Variants in TBC1D32 observed in about 807,000 individuals in gnomAD.
TBC1D32 encodes the protein protein broad-minded.
TBC1D32 carries 151 observed loss-of-function variants against 170.3 expected under a neutral mutation model. The observed-to-expected ratio is 0.89, with a 90% CI of 0.78 to 1.01. The LOEUF (loss-of-function observed/expected upper bound fraction) is 1.01, where lower values mean the gene tolerates loss of function less well. Among genes scored for constraint, TBC1D32 ranks in the 50% least tolerant of loss-of-function variants. The pLI is 0.00. For missense variants in TBC1D32, 1,464 were observed against 1,457.1 expected (o/e 1.00, Z -0.08); for synonymous variants, 498 against 488.0 (o/e 1.02, Z -0.27).
intron 15 of TBC1D32, among the ~76,000 whole-genome samples, chr6:121,271,388 T>A (rs752447964): frequency 6.6e-6 from 1 of 152,194 alleles, no homozygotes; most frequent in African/African-American, 2.4e-5. Flanking sequence ...CAAAATCTCC[T>A]TAAGCTGATA....
chr6:121,188,211 C>G (rs1481132588), intron 22 of TBC1D32, among the ~76,000 whole-genome samples: 1 of 152,044 alleles, frequency 6.6e-6, no homozygotes, highest in Non-Finnish European at 1.5e-5. Context: ...AATACAAATA[C>G]CTGAGACATA....
At chr6:121,291,524 A>G (rs1804870635) in intron 12 of TBC1D32, among the ~76,000 whole-genome samples, 2 of 152,160 alleles carry the variant, frequency 1.3e-5, no homozygotes, top group African/African-American at 4.8e-5. Context: ...GTTTAAGTAT[A>G]TACTAACAGC....
At chr6:121,139,805 G>C (rs1177526335) in intron 24 of TBC1D32, 1 of 152,080 alleles carries the variant, frequency 6.6e-6, no homozygotes, top group Non-Finnish European at 1.5e-5. Flanking sequence ...CAGAGACACA[G>C]AATATGGTAT....
chr6:121,156,866 G>A (rs1784958282), intron 24 of TBC1D32, among the ~76,000 whole-genome samples: 1 of 152,102 alleles, frequency 6.6e-6, no homozygotes, highest in Non-Finnish European at 1.5e-5. Flanking sequence ...ATGGCACTGT[G>A]GTCTGAGAGT....
intron 27 of TBC1D32, among the ~76,000 whole-genome samples, chr6:121,113,462 T>C (rs1779397017): frequency 6.6e-6 from 1 of 152,196 alleles, no homozygotes. Context: ...AAACATGGAA[T>C]GTTGACAGGT....
At chr6:121,179,004 A>T (rs11154002) in intron 22 of TBC1D32, among the ~76,000 whole-genome samples, 59,618 of 152,046 alleles carry the variant, frequency 0.39, 14,930 homozygotes, top group Non-Finnish European at 0.57. Context: ...GTCCAGACAA[A>T]AACTGAGATA....
rs1802369403 is a variant in TBC1D32 at position 121,277,466 on chromosome 6, CGACAGAG to C, written c.1733+1648_1733+1654del. Among the ~76,000 whole-genome samples the C allele has an allele frequency of 2.6e-5, 3 of 114,616 alleles. No homozygotes were observed. The Admixed American group carries it at 3.9e-4, about 15-fold the overall frequency. The allele number at this position is 114,616 out of a possible 152,430, so 75.2% of individuals were successfully genotyped here. A position where few individuals can be genotyped will look rare whatever the true frequency, so the allele number is the denominator to read the frequency against. ...TTGTGCTATTGTACTCCAGCCTGGG[CGACAGAG>C]AAAGACTCCATCTCAAAAAAAAAAA... On this transcript the variant is annotated intron_variant, in intron 15 of 31. Coordinates refer to ENST00000398212, the MANE Select transcript of TBC1D32 (RefSeq NM_152730.6).
At chr6:121,305,477 A>G (rs1807192742) in intron 5 of TBC1D32, among the ~76,000 whole-genome samples, 1 of 151,954 alleles carries the variant, frequency 6.6e-6, no homozygotes. Flanking sequence ...ATTAATCCTA[A>G]TAGTGAAATT....
chr6:121,218,773 T>TG (rs1794137719), intron 21 of TBC1D32, among the ~76,000 whole-genome samples: 2 of 152,162 alleles, frequency 1.3e-5, no homozygotes, highest in South Asian at 4.1e-4. Flanking sequence ...AATTGAATCA[T>TG]GGGGGCAGTT....
intron 22 of TBC1D32, among the ~76,000 whole-genome samples, chr6:121,192,718 G>C (rs1358714457): frequency 6.6e-6 from 1 of 152,208 alleles, no homozygotes; most frequent in African/African-American, 2.4e-5. Context: ...GTAGGACCAT[G>C]ATGAAGCTGA....
chr6:121,087,208 G>A (rs1348551674), intron 31 of TBC1D32, among the ~76,000 whole-genome samples: 6 of 152,270 alleles, frequency 3.9e-5, no homozygotes, highest in Middle Eastern at 3.4e-3. Flanking sequence ...TACCCAAGGC[G>A]TTCATCTAAT....
intron 24 of TBC1D32, among the ~76,000 whole-genome samples, chr6:121,149,267 T>A (rs1783891586): frequency 6.6e-6 from 1 of 152,200 alleles, no homozygotes; most frequent in South Asian, 2.1e-4. Flanking sequence ...TTTAATTAGA[T>A]CCCATTTGTC....
chr6:121,118,050 AAC>A (rs558559710), intron 26 of TBC1D32, among the ~76,000 whole-genome samples: 1 of 152,166 alleles, frequency 6.6e-6, no homozygotes, highest in Non-Finnish European at 1.5e-5. Context: ...ATCTAGGAAA[AAC>A]AGTGTGTAGG....
intron 17 of TBC1D32, among the ~76,000 whole-genome samples, chr6:121,251,869 C>T (rs975207038): frequency 1.3e-5 from 2 of 152,048 alleles, no homozygotes; most frequent in Non-Finnish European, 2.9e-5. Flanking sequence ...GAAAAAACAA[C>T]CCCATCAAAA....
chr6:121,170,435 T>A, intron 22 of TBC1D32: 1 of 1,605,982 alleles, frequency 6.2e-7, no homozygotes, highest in Non-Finnish European at 8.5e-7. Context: ...CAAGATATTT[T>A]CTTCTTGAGC....
In TBC1D32 at chr6:121,244,227, AT is replaced by A. The variant is rs148462871; in HGVS notation, c.2019-1889del. On this transcript the variant is annotated intron_variant, in intron 17 of 31. Coordinates refer to ENST00000398212, the MANE Select transcript of TBC1D32 (RefSeq NM_152730.6). ...AATATACAAGTAAAAAAGTATTGTT[AT>A]TTTTTAGAAAATGTAATCATAAGTC... is the stretch of plus-strand genomic sequence containing the variant. Among the ~76,000 whole-genome samples the A allele has an allele frequency of 7.7e-3, 1,165 of 152,196 alleles. 6 individuals carry two copies. The highest frequency in any genetic ancestry group is 0.014 in the Non-Finnish European group (926 of 68,002).
In TBC1D32 at chr6:121,115,035, G is replaced by C. The variant is rs1049345987; in HGVS notation, c.3053+137C>G. The stretch of plus-strand genomic sequence containing the variant: ...ATGTGCCAATATCCTCAAAAACAAA[G>C]TCATTTTCCGAATGATAAACTCTGC... On this transcript the variant is annotated intron_variant, in intron 27 of 31. Coordinates refer to ENST00000398212, the MANE Select transcript of TBC1D32 (RefSeq NM_152730.6). The C allele has an allele frequency of 1.3e-5, 7 of 547,512 alleles. No homozygotes were observed. The East Asian group carries it at 2.3e-4, about 18-fold the overall frequency. 33.9% of individuals were successfully genotyped at this position (547,512 alleles called of 1,614,324 possible).
chr6:121,222,560 A>G (rs1231725555), intron 21 of TBC1D32, among the ~76,000 whole-genome samples: 1 of 131,996 alleles, frequency 7.6e-6, no homozygotes, highest in African/African-American at 2.5e-5. Context: ...GGTATTCAAA[A>G]GGGCAAAACT....
upstream of TBC1D32, chr6:121,334,628 C>T (rs1811660409): frequency 1.6e-6 from 1 of 631,718 alleles, no homozygotes; most frequent in Non-Finnish European, 2.7e-6. Context: ...TTTGGGGAAG[C>T]AGGGGTCCGC....
Sources: allele counts gnomAD v4.1 joint callset (sites outside exome capture counted in the v4.1 genomes callset), GRCh38; gene constraint gnomAD v4.1.1; transcripts MANE v1.5; gene names NCBI Gene and HGNC (gene_info 2026-07-23, HGNC 2026-07-21).